ZFYVE9: variants seen among roughly 807,000 people sequenced by gnomAD.
The protein encoded by ZFYVE9 is zinc finger FYVE domain-containing protein 9.
In ZFYVE9, 43 loss-of-function variants were observed where a neutral mutation model predicts 126.7. The ratio of observed to expected loss-of-function variants is 0.34; its 90% CI spans 0.27 to 0.44. The LOEUF is 0.44. Among genes scored for constraint, ZFYVE9 ranks in the 20% least tolerant of loss-of-function variants. The probability of loss-of-function intolerance (pLI) is 1.00; values close to 1 mark genes in which losing one functional copy is unlikely to be tolerated. For missense variants in ZFYVE9, 1,476 were observed against 1,697.0 expected, an observed-to-expected ratio of 0.87 and a Z score of 2.29; for synonymous variants, 521 against 597.4, an observed-to-expected ratio of 0.87 and a Z score of 1.87.
At chr1:52,288,305 T>C (rs926146953) in intron 10 of ZFYVE9, among the ~76,000 whole-genome samples, 3 of 152,198 alleles carry the variant, frequency 2.0e-5, no homozygotes, top group African/African-American at 7.2e-5. Context: ...TTGAGCTGTT[T>C]GTTTAAGAGA....
At chr1:52,154,080 A>G (rs895676218) in intron 1 of ZFYVE9, among the ~76,000 whole-genome samples, 2 of 152,374 alleles carry the variant, frequency 1.3e-5, no homozygotes, top group Admixed American at 6.5e-5. Flanking sequence ...TTATGGGCCT[A>G]CTGCCACAAA....
At chr1:52,147,432 C>T (rs944382483) in intron 1 of ZFYVE9, among the ~76,000 whole-genome samples, 3 of 152,212 alleles carry the variant, frequency 2.0e-5, no homozygotes, top group East Asian at 3.9e-4. Flanking sequence ...CCTAGGCAAC[C>T]GCTAATGTAC....
chr1:52,144,342 C>A (rs645636), intron 1 of ZFYVE9, among the ~76,000 whole-genome samples: 1,656 of 152,076 alleles, frequency 0.011, 32 homozygotes, highest in African/African-American at 0.038. Context: ...GAATACAGTT[C>A]TCAGTGTGTC....
intron 2 of ZFYVE9, among the ~76,000 whole-genome samples, chr1:52,231,675 G>T (rs1645222842): frequency 6.6e-6 from 1 of 152,000 alleles, no homozygotes; most frequent in African/African-American, 2.4e-5. Context: ...CCAGGCTGGA[G>T]TGCAGTGGTG....
intron 13 of ZFYVE9, among the ~76,000 whole-genome samples, chr1:52,315,165 A>G (rs1646172602): frequency 6.6e-6 from 1 of 152,264 alleles, no homozygotes; most frequent in Non-Finnish European, 1.5e-5. Flanking sequence ...GCAGTGGCTC[A>G]TGCCTGTAAT....
intron 13 of ZFYVE9, among the ~76,000 whole-genome samples, chr1:52,318,370 ATGTGTGTGTG>A (rs59683935): frequency 0.56 from 80,408 of 144,188 alleles, 26,017 homozygotes; most frequent in Middle Eastern, 0.75. Flanking sequence ...GCATGATTGT[ATGTGTGTGTG>A]TGTGTGTGTG....
chr1:52,169,889 A>G (rs969321297), intron 1 of ZFYVE9, among the ~76,000 whole-genome samples: 1 of 152,172 alleles, frequency 6.6e-6, no homozygotes, highest in African/African-American at 2.4e-5. Flanking sequence ...TAGTAAGCTA[A>G]TACATTTGTT....
intron 1 of ZFYVE9, among the ~76,000 whole-genome samples, chr1:52,205,672 A>G (rs1402888722): frequency 6.6e-6 from 1 of 151,860 alleles, no homozygotes; most frequent in Non-Finnish European, 1.5e-5. Flanking sequence ...ATGCCTGGCC[A>G]CCTCACTTCT....
chr1:52,328,064 G>A (rs1334844319), intron 13 of ZFYVE9, among the ~76,000 whole-genome samples: 1 of 152,130 alleles, frequency 6.6e-6, no homozygotes, highest in Non-Finnish European at 1.5e-5. Context: ...AGTCCTACAT[G>A]TAAGCAGCAT....
chr1:52,148,927 C>T (rs1346157088), intron 1 of ZFYVE9, among the ~76,000 whole-genome samples: 1 of 141,328 alleles, frequency 7.1e-6, no homozygotes, highest in East Asian at 2.1e-4. Context: ...GAATGAGCCA[C>T]TGTTCCCAGC....
intron 1 of ZFYVE9, among the ~76,000 whole-genome samples, chr1:52,155,013 A>G (rs974999085): frequency 2.6e-4 from 40 of 152,162 alleles, no homozygotes; most frequent in Admixed American, 3.9e-4. Context: ...GCCTGCTTAT[A>G]GCAGTCTTCT....
At chr1:52,161,152 A>G (rs766182814) in intron 1 of ZFYVE9, among the ~76,000 whole-genome samples, 32 of 152,222 alleles carry the variant, frequency 2.1e-4, no homozygotes, top group African/African-American at 6.5e-4. Context: ...TTCCAATACC[A>G]AAATTTCTAA....
chr1:52,175,335 T>C (rs1083304), intron 1 of ZFYVE9, among the ~76,000 whole-genome samples: 145,123 of 150,034 alleles, frequency 0.97, 70,205 homozygotes, highest in East Asian at 1. Context: ...TATTGGCCCC[T>C]ACTCTCTTCT....
intron 17 of ZFYVE9, among the ~76,000 whole-genome samples, chr1:52,340,973 C>T (rs1465947873): frequency 6.7e-6 from 1 of 148,618 alleles, no homozygotes; most frequent in Non-Finnish European, 1.5e-5. Context: ...AATCCCAGCA[C>T]TTTGAGGGAG....
intron 13 of ZFYVE9, among the ~76,000 whole-genome samples, chr1:52,311,183 A>C (rs901567520): frequency 6.6e-6 from 1 of 151,788 alleles, no homozygotes; most frequent in African/African-American, 2.4e-5. Context: ...GTTATTTAAT[A>C]TGTTTGTTTA....
intron 1 of ZFYVE9, among the ~76,000 whole-genome samples, chr1:52,176,394 C>CA (rs1166763800): frequency 6.6e-6 from 1 of 152,206 alleles, no homozygotes; most frequent in Non-Finnish European, 1.5e-5. Context: ...TGTGAGGTGT[C>CA]AGTCTGCCCC....
At chr1:52,178,756 A>G (rs1273571462) in intron 1 of ZFYVE9, among the ~76,000 whole-genome samples, 1 of 152,214 alleles carries the variant, frequency 6.6e-6, no homozygotes, top group Non-Finnish European at 1.5e-5. Flanking sequence ...AGACAATAAT[A>G]TAAATTAGAG....
At chr1:52,170,058 T>A (rs1020635827) in intron 1 of ZFYVE9, among the ~76,000 whole-genome samples, 6 of 152,328 alleles carry the variant, frequency 3.9e-5, no homozygotes, top group Non-Finnish European at 7.4e-5. Context: ...TGCTCTTTTT[T>A]AAAAATTCTT....
At chr1:52,186,239 C>CA (rs1196121611) in intron 1 of ZFYVE9, among the ~76,000 whole-genome samples, 10,328 of 84,720 alleles carry the variant, frequency 0.12, 414 homozygotes, top group African/African-American at 0.18. Flanking sequence ...GACTCTGTCT[C>CA]AAAAAAAAAA....
Sources: gnomAD v4.1 joint callset for allele counts (sites outside exome capture counted in the v4.1 genomes callset) on GRCh38, gnomAD v4.1.1 for gene constraint, MANE v1.5 for transcripts, NCBI Gene and HGNC (gene_info 2026-07-23, HGNC 2026-07-21) for gene names.